The following SEMA5A variants were observed in gnomAD, a reference collection of about 807,000 sequenced individuals.
SEMA5A encodes the protein semaphorin-5A.
SEMA5A carries 55 observed loss-of-function variants against 135.5 expected under a neutral mutation model. That is an observed-to-expected ratio of 0.41 (90% CI 0.33 to 0.51). SEMA5A has a LOEUF of 0.51. Ranked by LOEUF, SEMA5A falls within the 20% of genes least tolerant of loss-of-function variation. The pLI, the probability that SEMA5A is intolerant of heterozygous loss-of-function variation, is 0.37. For synonymous variants in SEMA5A, 580 were observed against 546.5 expected (o/e 1.06, Z -0.85); for missense variants, 1,290 against 1,419.9 (o/e 0.91, Z 1.47).
chr5:9,486,213 T>A (rs1435220258), intron 1 of SEMA5A, among the ~76,000 whole-genome samples: 2 of 151,402 alleles, frequency 1.3e-5, no homozygotes, highest in African/African-American at 4.9e-5. Context: ...AAGTGGGAGG[T>A]GAACAATGAG....
rs575783979 is a variant in SEMA5A, at chr5:9,204,958, C to T, written c.647-2718G>A. Among the ~76,000 whole-genome samples, 2 of 152,172 alleles carry T rather than the reference C, an allele frequency of 1.3e-5. No individual in the cohort carries two copies. The highest frequency in any genetic ancestry group is 4.8e-5 in the African/African-American group (2 of 41,428). ...TAATGCCTGATGATCTGAGGCAGAACAGTTTCATCCCTAAACCATCCCCTC... is the reference window on the plus strand; with the variant it reads ...TAATGCCTGATGATCTGAGGCAGAATAGTTTCATCCCTAAACCATCCCCTC... On this transcript the variant is annotated intron_variant, in intron 8 of 22. Transcript: ENST00000382496. The surrounding 1 kb of genome is among the most constrained non-coding windows in gnomAD (Gnocchi z 6.4).
chr5:9,158,036 T>C (rs1743049768), intron 11 of SEMA5A, among the ~76,000 whole-genome samples: 1 of 152,246 alleles, frequency 6.6e-6, no homozygotes, highest in South Asian at 2.1e-4. Context: ...AGTTGTGTCA[T>C]ATGATGTATG....
chr5:9,369,451 T>C lies in SEMA5A; in HGVS notation c.124+10372A>G, dbSNP rs576220598. 2.0e-5 allele frequency among the ~76,000 whole-genome samples: 3 copies of C among 152,366 alleles called. No homozygotes were observed. In the East Asian group the frequency reaches 5.8e-4, roughly 29 times the overall value. ...TTTTGGAAATATTTCTTATATGTTT[T>C]CTTCCAGAGGTTTTTAAATTTTTGC... On this transcript the variant is annotated intron_variant, in intron 3 of 22. Coordinates refer to ENST00000382496, the MANE Select transcript of SEMA5A (RefSeq NM_003966.3).
At chr5:9,451,422 T>C (rs1317321028) in intron 1 of SEMA5A, among the ~76,000 whole-genome samples, 2 of 152,184 alleles carry the variant, frequency 1.3e-5, no homozygotes, top group African/African-American at 4.8e-5. Flanking sequence ...TGCTTCTCTT[T>C]TTCAGGGTAC....
chr5:9,109,128 C>A (rs1035285256), intron 15 of SEMA5A, among the ~76,000 whole-genome samples: 1 of 144,602 alleles, frequency 6.9e-6, no homozygotes, highest in Non-Finnish European at 1.5e-5. Context: ...GCAAGCTCCG[C>A]CTCCCGGGTT....
At chr5:9,218,588 C>T (rs1342727342) in intron 8 of SEMA5A, among the ~76,000 whole-genome samples, 1 of 152,194 alleles carries the variant, frequency 6.6e-6, no homozygotes, top group Non-Finnish European at 1.5e-5. Context: ...CTATACCCTC[C>T]CAACTTCTCC....
At chr5:9,044,039 C>T (rs1736104506) in intron 22 of SEMA5A, among the ~76,000 whole-genome samples, 1 of 152,094 alleles carries the variant, frequency 6.6e-6, no homozygotes, top group African/African-American at 2.4e-5. Flanking sequence ...TGCTTCATTC[C>T]CCAGATCTAC....
At chr5:9,427,874 T>C (rs977033301) in intron 2 of SEMA5A, among the ~76,000 whole-genome samples, 3 of 152,152 alleles carry the variant, frequency 2.0e-5, no homozygotes, top group Non-Finnish European at 2.9e-5. Context: ...CTGTTTTACA[T>C]ATAGATTTCA....
chr5:9,443,331 G>T (rs1245652486), intron 1 of SEMA5A, among the ~76,000 whole-genome samples: 1 of 152,076 alleles, frequency 6.6e-6, no homozygotes, highest in Non-Finnish European at 1.5e-5. Flanking sequence ...TTATAGGGAA[G>T]AAAGCAGAGA....
At chr5:9,092,849 A>G (rs1163019663) in intron 16 of SEMA5A, among the ~76,000 whole-genome samples, 1 of 152,232 alleles carries the variant, frequency 6.6e-6, no homozygotes, top group East Asian at 1.9e-4. Context: ...TTTTTAAAAA[A>G]TCACACATAC....
At chr5:9,160,904 G>A (rs574483197) in intron 11 of SEMA5A, among the ~76,000 whole-genome samples, 1 of 152,288 alleles carries the variant, frequency 6.6e-6, no homozygotes, top group Admixed American at 6.5e-5. Flanking sequence ...TACTGGAGAA[G>A]AAATGTTTAC....
At chr5:9,069,821 A>G (rs1306002940) in intron 16 of SEMA5A, among the ~76,000 whole-genome samples, 2 of 152,192 alleles carry the variant, frequency 1.3e-5, no homozygotes, top group East Asian at 3.9e-4. Context: ...TCTTAAATGA[A>G]AAAGCCCCAA....
chr5:9,088,637 A>ATATATATATATATATATATATATATATAT (rs1738846706), intron 16 of SEMA5A, among the ~76,000 whole-genome samples: 8 of 108,078 alleles, frequency 7.4e-5, no homozygotes, highest in East Asian at 6.9e-4. Context: ...CTACATTTAT[A>ATATATATATATATATATATATATATATAT]ATATATATAT....
At chr5:9,327,305 C>A (rs1398771930) in intron 4 of SEMA5A, among the ~76,000 whole-genome samples, 1 of 152,072 alleles carries the variant, frequency 6.6e-6, no homozygotes, top group African/African-American at 2.4e-5. Context: ...AATATGTATT[C>A]TTCGGGCTAT....
chr5:9,139,490 C>A (rs2150226667), intron 12 of SEMA5A, among the ~76,000 whole-genome samples: 1 of 152,210 alleles, frequency 6.6e-6, no homozygotes, highest in South Asian at 2.1e-4. Context: ...GTTTTCATTT[C>A]TTTCAGTTGT....
At chr5:9,213,004 G>A (rs1746421378) in intron 8 of SEMA5A, among the ~76,000 whole-genome samples, 1 of 152,196 alleles carries the variant, frequency 6.6e-6, no homozygotes, top group Admixed American at 6.5e-5. Flanking sequence ...TAGATGTGGT[G>A]TCTGGCAAGG....
chr5:9,301,235 T>C (rs1751596928), intron 5 of SEMA5A, among the ~76,000 whole-genome samples: 4 of 152,228 alleles, frequency 2.6e-5, no homozygotes, highest in Admixed American at 2.6e-4. Context: ...GGTATTTGTA[T>C]CACAGACAAC....
rs1210271465 is a variant in SEMA5A, at chr5:9,353,115, A to G, written c.125-15303T>C. ...AAAGGAAGGAAGGAAAGGAAAGGAAAGGAAAGGAAAGGAAAGGAAAGGAAA... is the reference window on the plus strand; with the variant it reads ...AAAGGAAGGAAGGAAAGGAAAGGAAGGGAAAGGAAAGGAAAGGAAAGGAAA... On this transcript the variant is annotated intron_variant, in intron 3 of 22. Coordinates refer to ENST00000382496, the MANE Select transcript of SEMA5A (RefSeq NM_003966.3). Among the ~76,000 whole-genome samples, 25 of 57,984 alleles carry G rather than the reference A, an allele frequency of 4.3e-4. 2 individuals carry two copies. The highest frequency in any genetic ancestry group is 1.7e-3 in the African/African-American group (22 of 12,698). The allele number at this position is 57,984 out of a possible 152,430, so 38.0% of individuals were successfully genotyped here. A position where few individuals can be genotyped will look rare whatever the true frequency, so the allele number is the denominator to read the frequency against.
In SEMA5A at chr5:9,514,205, A is replaced by T. The variant is rs1736378139; in HGVS notation, c.-175+31379T>A. Among the ~76,000 whole-genome samples, 6 of 152,206 alleles carry T rather than the reference A, an allele frequency of 3.9e-5. 1 individual carries two copies. In the South Asian group the frequency reaches 1.0e-3, roughly 26 times the overall value. On this transcript the variant is annotated intron_variant, in intron 1 of 22. Coordinates refer to ENST00000382496, the MANE Select transcript of SEMA5A (RefSeq NM_003966.3). The stretch of plus-strand genomic sequence containing the variant: ...CGCCTTTTCCTCTCTATCTGCAGCA[A>T]ATCTTCCTCTGCTCCCTCTTATAAG...
Sources: gnomAD v4.1 joint callset for allele counts (sites outside exome capture counted in the v4.1 genomes callset) on GRCh38, gnomAD v4.1.1 for gene constraint, Gnocchi (gnomAD v3.1) non-coding constraint, MANE v1.5 for transcripts, NCBI Gene and HGNC (gene_info 2026-07-23, HGNC 2026-07-21) for gene names.